SPP2: variants seen among roughly 807,000 people sequenced by gnomAD.
SPP2 encodes secreted phosphoprotein 24.
Under a neutral mutation model 28.8 loss-of-function variants are expected in SPP2, and 34 were observed. That is an observed-to-expected ratio of 1.18 (90% CI 0.90 to 1.57). The LOEUF is 1.57. Among genes scored for constraint, SPP2 ranks in the 40% most tolerant of loss-of-function variants. The pLI is 0.00. For synonymous variants in SPP2, 96 were observed against 89.4 expected, an observed-to-expected ratio of 1.07 and a Z score of -0.42; for missense variants, 269 against 263.9, an observed-to-expected ratio of 1.02 and a Z score of -0.13.
intron 4 of SPP2, among the ~76,000 whole-genome samples, chr2:234,065,633 A>G (rs1442364110): frequency 6.6e-6 from 1 of 152,174 alleles, no homozygotes; most frequent in Admixed American, 6.5e-5. Flanking sequence ...GCCATTATAC[A>G]TCTTCTTTGA....
rs1693694306 is a variant in SPP2 at position 234,060,398 on chromosome 2, G to T, written c.363G>T (p.Lys121Asn). 1.9e-6 allele frequency: 3 copies of T among 1,614,076 alleles called. No individual in the cohort carries two copies. Among genetic ancestry groups the T allele is most frequent in the East Asian group, 2.2e-5 (1 of 44,864 alleles). Residue 121 changes from lysine (K) to asparagine (N), a missense_variant, in exon 4 of 8, where the codon AAG becomes AAT. Coordinates refer to ENST00000168148, the MANE Select transcript of SPP2 (RefSeq NM_006944.3). ...VSTAVCRSTV[K>N]VSAQQVQGVH... ...CAGCTGTTTGCAGAAGCACCGTGAA[G>T]GTATCTGCCCAGCAGGTGCAGGGCG...
chr2:234,066,646 C>T, intron 5 of SPP2, 59 bp downstream of exon 5: 3 of 1,253,272 alleles, frequency 2.4e-6, no homozygotes, highest in Non-Finnish European at 3.4e-6. Context: ...TATTGCAACT[C>T]TTTGTTAGTG....
chr2:234,054,948 C>T (rs1358045624), intron 2 of SPP2, among the ~76,000 whole-genome samples: 1 of 152,118 alleles, frequency 6.6e-6, no homozygotes, highest in African/African-American at 2.4e-5. Context: ...ACCTTTCAAC[C>T]TCTTTGCATT....
Position 234,066,518 on chromosome 2 carries a change from C to T in SPP2, c.445-15C>T, listed in dbSNP as rs1316130322. 68 of 1,609,026 alleles carry T rather than the reference C, an allele frequency of 4.2e-5. No individual in the cohort carries two copies. Among genetic ancestry groups the T allele is most frequent in the Non-Finnish European group, 5.6e-5 (66 of 1,177,630 alleles). On this transcript the variant is annotated splice_polypyrimidine_tract_variant and intron_variant, in intron 4 of 7. Coordinates refer to ENST00000168148, the MANE Select transcript of SPP2 (RefSeq NM_006944.3). ...TTTCATGTGCTGACACATCCTGATG[C>T]CTGAATTTCTTTAGATGATTTTTGG...
intron 4 of SPP2, among the ~76,000 whole-genome samples, chr2:234,064,562 T>C (rs893377369): frequency 2.0e-5 from 3 of 152,180 alleles, no homozygotes; most frequent in African/African-American, 7.2e-5. Context: ...AAAAATACAT[T>C]TTGGTGGAGA....
rs1690913753 is a variant in SPP2 at position 234,077,107 on chromosome 2, T to A, written c.*273T>A. On this transcript the variant is annotated 3_prime_UTR_variant, in exon 8 of 8. Coordinates refer to ENST00000168148, the MANE Select transcript of SPP2 (RefSeq NM_006944.3). ...ATTTTTCTTCTGATCAGTTTCAATC[T>A]GTAATAAATGCCTTATTTTTCCTGT... is the stretch of plus-strand genomic sequence containing the variant. 1 of 152,214 alleles carries A rather than the reference T, an allele frequency of 6.6e-6. No homozygotes were observed. Among genetic ancestry groups the A allele is most frequent in the Non-Finnish European group, 1.5e-5 (1 of 68,026 alleles). 9.4% of individuals were successfully genotyped at this position (152,214 alleles called of 1,614,324 possible).
chr2:234,074,393 G>A (rs1040299399), intron 7 of SPP2, among the ~76,000 whole-genome samples: 2 of 152,130 alleles, frequency 1.3e-5, no homozygotes, highest in African/African-American at 2.4e-5. Context: ...CCAGCTTTCT[G>A]AGTGATTTCC....
At chr2:234,053,164 A>G (rs981548151) in intron 2 of SPP2, among the ~76,000 whole-genome samples, 5 of 135,786 alleles carry the variant, frequency 3.7e-5, no homozygotes, top group Admixed American at 7.6e-5. Flanking sequence ...AGGTAAAAGA[A>G]TAACGGTGAA....
intron 6 of SPP2, among the ~76,000 whole-genome samples, chr2:234,067,777 CAAAAAAAAAAAAAAAAA>C (rs56184185): frequency 3.2e-5 from 2 of 63,486 alleles, no homozygotes; most frequent in African/African-American, 1.4e-4. Context: ...GACTCCGTCT[CAAAAAAAAAAAAAAAAA>C]AAAAAAAAAA....
intron 5 of SPP2, among the ~76,000 whole-genome samples, chr2:234,066,975 G>A (rs1297691391): frequency 6.6e-6 from 1 of 152,206 alleles, no homozygotes; most frequent in Non-Finnish European, 1.5e-5. Flanking sequence ...CTCTTTGAAT[G>A]TCTTAGTTCA....
chr2:234,075,325 C>T (rs1690874755), intron 7 of SPP2, among the ~76,000 whole-genome samples: 1 of 152,172 alleles, frequency 6.6e-6, no homozygotes, highest in South Asian at 2.1e-4. Flanking sequence ...TCTCATTACT[C>T]TCCGTTGATC....
chr2:234,072,134 T>G (rs1690801898), intron 7 of SPP2, among the ~76,000 whole-genome samples: 1 of 152,220 alleles, frequency 6.6e-6, no homozygotes. Flanking sequence ...TGAAATCCTT[T>G]TACCAAAAAC....
chr2:234,059,002 G>C (rs762045356), intron 3 of SPP2, 44 bp downstream of exon 3: 10 of 1,586,870 alleles, frequency 6.3e-6, no homozygotes, highest in Non-Finnish European at 8.6e-6. Context: ...AAAAGGAAGA[G>C]CCTCACTTCT....
chr2:234,050,908 C>A, intron 1 of SPP2, 37 bp downstream of exon 1: 1 of 1,613,874 alleles, frequency 6.2e-7, no homozygotes, highest in Admixed American at 1.7e-5. Flanking sequence ...TGCTCTGGAT[C>A]ATGCAGAGCC....
At chr2:234,053,497 T>C (rs1240263068) in intron 2 of SPP2, among the ~76,000 whole-genome samples, 1 of 151,898 alleles carries the variant, frequency 6.6e-6, no homozygotes, top group Non-Finnish European at 1.5e-5. Flanking sequence ...TTTAAATATT[T>C]CTGATGTCCA....
chr2:234,058,308 G>A (rs964437044), intron 2 of SPP2, among the ~76,000 whole-genome samples: 2 of 152,086 alleles, frequency 1.3e-5, no homozygotes, highest in African/African-American at 2.4e-5. Context: ...TGCAAAAAAA[G>A]CCACGAAATA....
intron 4 of SPP2, among the ~76,000 whole-genome samples, chr2:234,061,986 T>C (rs1339552170): frequency 6.6e-6 from 1 of 152,192 alleles, no homozygotes; most frequent in Non-Finnish European, 1.5e-5. Context: ...TCAAATACAT[T>C]CTGCTGTAAC....
intron 6 of SPP2, among the ~76,000 whole-genome samples, chr2:234,067,748 A>G (rs945984651): frequency 1.3e-4 from 6 of 46,628 alleles, no homozygotes; most frequent in Non-Finnish European, 2.4e-4. Context: ...CTGCACTCCA[A>G]CCTGGGCGAC....
rs900299859 is a variant in SPP2, at chr2:234,069,804, C to T, written c.551-124C>T. Reference sequence around the variant, plus strand: ...AAGTTATCGCACCCTCAGGTATTCTCATGGCAGATGGGTTCAGGTTATGCT... The same window carrying T: ...AAGTTATCGCACCCTCAGGTATTCTTATGGCAGATGGGTTCAGGTTATGCT... On this transcript the variant is annotated intron_variant, in intron 6 of 7. Transcript: ENST00000168148. 5.6e-6 allele frequency: 4 copies of T among 710,438 alleles called. No individual in the cohort carries two copies. In the Admixed American group the frequency reaches 6.4e-5, roughly 11 times the overall value. 44.0% of individuals were successfully genotyped at this position (710,438 alleles called of 1,614,324 possible). A position where few individuals can be genotyped will look rare whatever the true frequency, so the allele number is the denominator to read the frequency against.
Sources: gnomAD v4.1 joint callset for allele counts (sites outside exome capture counted in the v4.1 genomes callset) on GRCh38, gnomAD v4.1.1 for gene constraint, MANE v1.5 for transcripts, NCBI Gene and HGNC (gene_info 2026-07-23, HGNC 2026-07-21) for gene names.